SEMA5A: variants seen among roughly 807,000 people sequenced by gnomAD.
SEMA5A encodes semaphorin 5A.
In SEMA5A, 55 loss-of-function variants were observed where a neutral mutation model predicts 135.5. The ratio of observed to expected loss-of-function variants is 0.41; its 90% CI spans 0.33 to 0.51. The LOEUF (loss-of-function observed/expected upper bound fraction) is 0.51, where lower values mean the gene tolerates loss of function less well. Ranked by LOEUF, SEMA5A falls within the 20% of genes least tolerant of loss-of-function variation. The pLI is 0.37. For synonymous variants in SEMA5A, 580 were observed against 546.5 expected (o/e 1.06, Z -0.85); for missense variants, 1,290 against 1,419.9 (o/e 0.91, Z 1.47).
At chr5:9,439,583 A>G (rs1253748202) in intron 1 of SEMA5A, among the ~76,000 whole-genome samples, 5 of 152,310 alleles carry the variant, frequency 3.3e-5, no homozygotes, top group South Asian at 4.1e-4. Context: ...GCTGATGTGA[A>G]CCCTCAGCTG....
chr5:9,504,566 C>T (rs567104759), intron 1 of SEMA5A, among the ~76,000 whole-genome samples: 1 of 152,266 alleles, frequency 6.6e-6, no homozygotes, highest in African/African-American at 2.4e-5. Flanking sequence ...CTGTGAAGGG[C>T]AGAGCATGGT....
At chr5:9,332,195 G>A (rs1025939216) in intron 4 of SEMA5A, among the ~76,000 whole-genome samples, 10 of 151,800 alleles carry the variant, frequency 6.6e-5, no homozygotes, top group African/African-American at 1.5e-4. Flanking sequence ...GATGTGCAAG[G>A]CATGCAGCTC....
intron 1 of SEMA5A, among the ~76,000 whole-genome samples, chr5:9,493,136 C>G (rs1735116847): frequency 1.3e-5 from 2 of 151,932 alleles, no homozygotes; most frequent in Admixed American, 1.3e-4. Flanking sequence ...GGAGAACACT[C>G]TATACTTGTT....
intron 18 of SEMA5A, among the ~76,000 whole-genome samples, chr5:9,058,655 T>G (rs980258660): frequency 6.6e-6 from 1 of 152,236 alleles, no homozygotes; most frequent in Non-Finnish European, 1.5e-5. Context: ...GTAACCAATG[T>G]ACAATTGCCA....
chr5:9,042,417 A>G lies in SEMA5A; in HGVS notation c.*480T>C, dbSNP rs1400882190. On this transcript the variant is annotated 3_prime_UTR_variant, in exon 23 of 23. Transcript: ENST00000382496. ...CCAGATTTGGAAAGTTGGGCAATCC[A>G]TGGTGAATAATTGTTTGGCCACATT... 3 of 159,374 alleles carry G rather than the reference A, an allele frequency of 1.9e-5. No individual in the cohort carries two copies. The highest frequency in any genetic ancestry group is 7.2e-5 in the African/African-American group (3 of 41,500). 9.9% of individuals were successfully genotyped at this position (159,374 alleles called of 1,614,324 possible). A position where few individuals can be genotyped will look rare whatever the true frequency, so the allele number is the denominator to read the frequency against.
intron 3 of SEMA5A, among the ~76,000 whole-genome samples, chr5:9,338,385 A>AT (rs1010591915): frequency 3.1e-4 from 47 of 150,916 alleles, no homozygotes; most frequent in Non-Finnish European, 5.2e-4. Flanking sequence ...CTTCATTTGC[A>AT]TTTTTTTTTC....
At chr5:9,376,461 T>C (rs1755366912) in intron 3 of SEMA5A, among the ~76,000 whole-genome samples, 2 of 152,172 alleles carry the variant, frequency 1.3e-5, no homozygotes, top group Non-Finnish European at 2.9e-5. Context: ...AGAAACCTTT[T>C]TCAACCACCG....
intron 11 of SEMA5A, among the ~76,000 whole-genome samples, chr5:9,170,632 G>A (rs931466347): frequency 6.6e-6 from 1 of 152,096 alleles, no homozygotes; most frequent in East Asian, 1.9e-4. Flanking sequence ...GCCCTGCCTT[G>A]TCTCTTTCCC....
chr5:9,309,081 C>T (rs998596634), intron 5 of SEMA5A, among the ~76,000 whole-genome samples: 1 of 152,110 alleles, frequency 6.6e-6, no homozygotes, highest in African/African-American at 2.4e-5. Flanking sequence ...AAGGATGATG[C>T]ATATTAAAAA....
chr5:9,229,778 A>G (rs925697988), intron 6 of SEMA5A, among the ~76,000 whole-genome samples: 3 of 152,052 alleles, frequency 2.0e-5, no homozygotes, highest in African/African-American at 4.8e-5. Context: ...CACAAACAAC[A>G]TGGGCAAGGG....
intron 1 of SEMA5A, among the ~76,000 whole-genome samples, chr5:9,444,849 T>C (rs1758370743): frequency 6.6e-6 from 1 of 152,200 alleles, no homozygotes; most frequent in South Asian, 2.1e-4. Context: ...CCTCTTGGTT[T>C]GCCCGCACCG....
At chr5:9,142,757 A>G (rs1056857697) in intron 12 of SEMA5A, among the ~76,000 whole-genome samples, 7 of 152,228 alleles carry the variant, frequency 4.6e-5, no homozygotes, top group African/African-American at 1.7e-4. Flanking sequence ...ATTTGAGGTC[A>G]GGAGTTCAAG....
intron 5 of SEMA5A, among the ~76,000 whole-genome samples, chr5:9,282,947 A>G (rs1750616317): frequency 6.6e-6 from 1 of 152,230 alleles, no homozygotes; most frequent in Admixed American, 6.5e-5. Flanking sequence ...GGAAAAGGCA[A>G]GGAACCTGAC....
At chr5:9,157,498 C>T (rs1196425133) in intron 11 of SEMA5A, among the ~76,000 whole-genome samples, 1 of 152,166 alleles carries the variant, frequency 6.6e-6, no homozygotes, top group Non-Finnish European at 1.5e-5. Flanking sequence ...ATGATGGGAC[C>T]TCTCCTTCCC....
intron 1 of SEMA5A, among the ~76,000 whole-genome samples, chr5:9,504,629 G>T (rs890487018): frequency 6.6e-6 from 1 of 152,220 alleles, no homozygotes; most frequent in Admixed American, 6.5e-5. Context: ...CAGTAGAGCT[G>T]CCCCTGAAGA....
chr5:9,486,747 T>C (rs1734749352), intron 1 of SEMA5A, among the ~76,000 whole-genome samples: 2 of 152,120 alleles, frequency 1.3e-5, no homozygotes, highest in South Asian at 2.1e-4. Context: ...TATAAAGTGA[T>C]GAAATTCTGT....
chr5:9,514,930 G>A (rs1430113365), intron 1 of SEMA5A, among the ~76,000 whole-genome samples: 1 of 152,136 alleles, frequency 6.6e-6, no homozygotes. Flanking sequence ...AAAAATTGTG[G>A]GGTGGGATCC....
intron 6 of SEMA5A, among the ~76,000 whole-genome samples, chr5:9,233,212 A>G (rs1747726533): frequency 6.6e-6 from 1 of 152,252 alleles, no homozygotes. Flanking sequence ...CATAATAATC[A>G]GCTGTGTTTC....
intron 2 of SEMA5A, among the ~76,000 whole-genome samples, chr5:9,395,843 G>A (rs557612649): frequency 2.6e-5 from 4 of 152,270 alleles, no homozygotes; most frequent in African/African-American, 9.6e-5. Context: ...TACTGTTCAA[G>A]AAAATCCCTG....
Sources: allele counts gnomAD v4.1 joint callset (sites outside exome capture counted in the v4.1 genomes callset), GRCh38; gene constraint gnomAD v4.1.1; transcripts MANE v1.5; gene names NCBI Gene and HGNC (gene_info 2026-07-23, HGNC 2026-07-21).